MYOF: variants seen among roughly 807,000 people sequenced by gnomAD.
MYOF encodes the protein myoferlin.
A neutral mutation model predicts 284.2 loss-of-function variants in MYOF; 244 were observed. The ratio of observed to expected loss-of-function variants is 0.86; its 90% confidence interval spans 0.77 to 0.95. MYOF has a LOEUF of 0.95. Ranked by LOEUF, MYOF falls within the 40% of genes least tolerant of loss-of-function variation. MYOF has a pLI of 0.00. For synonymous variants in MYOF, 904 were observed against 919.7 expected (o/e 0.98, Z 0.31); for missense variants, 2,496 against 2,560.6 (o/e 0.97, Z 0.54).
chr10:93,481,751 A>G (rs1457746549), intron 1 of MYOF, among the ~76,000 whole-genome samples: 3 of 152,154 alleles, frequency 2.0e-5, no homozygotes, highest in South Asian at 2.1e-4. Context: ...TCCTTTACCC[A>G]TTTCTCACAG....
chr10:93,448,378 T>TC (rs2056496588), intron 3 of MYOF, among the ~76,000 whole-genome samples: 1 of 152,192 alleles, frequency 6.6e-6, no homozygotes, highest in Admixed American at 6.5e-5. Context: ...TCCCTTTTCC[T>TC]CTGATTTGCT....
intron 17 of MYOF, among the ~76,000 whole-genome samples, chr10:93,392,217 T>C (rs985159770): frequency 6.6e-6 from 1 of 152,188 alleles, no homozygotes; most frequent in South Asian, 2.1e-4. Flanking sequence ...TGCACACAGC[T>C]TCAGAGTTTG....
intron 4 of MYOF, among the ~76,000 whole-genome samples, chr10:93,426,888 T>C (rs1393754558): frequency 9.5e-6 from 1 of 104,788 alleles, no homozygotes; most frequent in Non-Finnish European, 2.3e-5. Flanking sequence ...GACTGTCTTT[T>C]TTTTTTTTTT....
chr10:93,356,652 C>A (rs367547259), intron 30 of MYOF, 23 bp downstream of exon 30: 2 of 1,603,936 alleles, frequency 1.2e-6, no homozygotes, highest in African/African-American at 1.3e-5. Flanking sequence ...ATATGATCTG[C>A]GCTCTGGCAA....
At chr10:93,460,179 G>A (rs1035600925) in intron 1 of MYOF, among the ~76,000 whole-genome samples, 10 of 152,190 alleles carry the variant, frequency 6.6e-5, no homozygotes, top group African/African-American at 2.2e-4. Flanking sequence ...AAGGGCTCCA[G>A]GGAGGTCACA....
intron 19 of MYOF, among the ~76,000 whole-genome samples, chr10:93,381,775 G>A (rs1348329523): frequency 6.6e-6 from 1 of 152,218 alleles, no homozygotes; most frequent in East Asian, 1.9e-4. Flanking sequence ...GGTGGCTCAT[G>A]CCTGTAATCC....
intron 45 of MYOF, among the ~76,000 whole-genome samples, chr10:93,326,940 TA>T (rs1843074340): frequency 6.6e-6 from 1 of 152,058 alleles, no homozygotes; most frequent in Non-Finnish European, 1.5e-5. Flanking sequence ...TGTGATATTC[TA>T]AAAACATAGG....
At chr10:93,393,546 G>A (rs73319678) in intron 16 of MYOF, among the ~76,000 whole-genome samples, 6,683 of 152,188 alleles carry the variant, frequency 0.044, 514 homozygotes, top group African/African-American at 0.15. Flanking sequence ...TCTTCTGGAT[G>A]TTACCACCAT....
chr10:93,375,048 A>T (rs903216376), intron 22 of MYOF, 93 bp from the exon 23 acceptor site: 23 of 1,267,514 alleles, frequency 1.8e-5, no homozygotes, highest in Non-Finnish European at 2.1e-5. Flanking sequence ...TTGGATTTCC[A>T]TCTTGCAAAC....
chr10:93,478,547 T>C (rs2057316295), intron 1 of MYOF, among the ~76,000 whole-genome samples: 1 of 151,940 alleles, frequency 6.6e-6, no homozygotes, highest in South Asian at 2.1e-4. Context: ...TCACTCACGG[T>C]TGAACACAAC....
intron 36 of MYOF, 97 bp downstream of exon 36, chr10:93,349,711 G>A (rs2133882017): frequency 7.1e-7 from 1 of 1,416,182 alleles, no homozygotes. Flanking sequence ...TATTTGTCAG[G>A]TTTTGGAAAT....
At chr10:93,409,062 G>T (rs1235822818) in intron 6 of MYOF, 147 bp from the exon 7 acceptor site, 4 of 1,228,956 alleles carry the variant, frequency 3.3e-6, no homozygotes, top group African/African-American at 3.0e-5. Flanking sequence ...GCTACCAATT[G>T]GGTGGAGCCA....
At chr10:93,337,530 G>A (rs1383032319) in intron 40 of MYOF, 3 of 345,724 alleles carry the variant, frequency 8.7e-6, no homozygotes, top group East Asian at 4.8e-5. Context: ...CTGGATCATC[G>A]TGGCCTAATT....
At chr10:93,401,986 G>A (rs1336555434) in intron 11 of MYOF, among the ~76,000 whole-genome samples, 1 of 152,152 alleles carries the variant, frequency 6.6e-6, no homozygotes, top group Non-Finnish European at 1.5e-5. Flanking sequence ...ATGAGGCAAG[G>A]ACGTTGTAAA....
intron 3 of MYOF, among the ~76,000 whole-genome samples, chr10:93,439,383 GTGCCTGCC>G (rs10609992): frequency 1.3e-5 from 2 of 152,130 alleles, no homozygotes; most frequent in African/African-American, 4.8e-5. Context: ...GACCAATTCT[GTGCCTGCC>G]TGCCTGCCTG....
Position 93,427,919 on chromosome 10 carries a change from A to G in MYOF, c.346-1761T>C, listed in dbSNP as rs1435523274. On this transcript the variant is annotated intron_variant, in intron 4 of 53. Transcript: ENST00000359263. ...AAATTTCAAACAATTTGCTAGGGGA[A>G]ATCGACATTGGGTTGCTAACTTGTA... is the stretch of plus-strand genomic sequence containing the variant. Among the ~76,000 whole-genome samples the G allele has an allele frequency of 2.6e-5, 4 of 152,120 alleles. No individual in the cohort carries two copies. The East Asian group carries it at 7.7e-4, about 29-fold the overall frequency.
Position 93,333,235 on chromosome 10 carries a change from G to A in MYOF, c.4797C>T (p.Asn1599=). 1.9e-6 allele frequency: 3 copies of A among 1,614,004 alleles called. No individual in the cohort carries two copies. The highest frequency in any genetic ancestry group is 1.6e-4 in the Middle Eastern group (1 of 6,062). ...ATGTATATTACCTGCCAAAGACTGGGTTGAGAGTGTTGGGAATGTAGTGAT... is the reference window on the plus strand; with the variant it reads ...ATGTATATTACCTGCCAAAGACTGGATTGAGAGTGTTGGGAATGTAGTGAT... ...DRDHYIPNTL[N]PVFGRMYELS... The change falls in exon 43 of 54, where the codon AAC becomes AAT. Residue 1599 remains asparagine, a synonymous_variant. Coordinates refer to ENST00000359263, the MANE Select transcript of MYOF (RefSeq NM_013451.4).
At chr10:93,402,769 C>G (rs1589512058) in intron 10 of MYOF, 91 bp downstream of exon 10, 1 of 121,480 alleles carries the variant, frequency 8.2e-6, no homozygotes, top group East Asian at 5.5e-5. Context: ...ATTCTTTGAT[C>G]CCCCCCAAAT....
In MYOF at chr10:93,359,955, G is replaced by A; in HGVS notation, c.2998C>T (p.Pro1000Ser). 6.2e-7 allele frequency: 1 copy of A among 1,614,188 alleles called. No homozygotes were observed. Among genetic ancestry groups the A allele is most frequent in the Non-Finnish European group, 8.5e-7 (1 of 1,180,032 alleles). ...EKGWEYGITIPPDHKPKSWVA... is the reference protein window; with the variant it reads ...EKGWEYGITISPDHKPKSWVA... ...CAGGATTTGGGCTTATGATCAGGAG[G>A]AATGGTGATTCCATATTCCCAGCCT... The change falls in exon 29 of 54, where the codon CCT becomes TCT. Residue 1000 changes from proline (P) to serine (S), a missense_variant. By Grantham distance (74) the Pro-to-Ser change is moderately conservative (BLOSUM62 -1). Coordinates refer to ENST00000359263, the MANE Select transcript of MYOF (RefSeq NM_013451.4).
Sources: gnomAD v4.1 joint callset for allele counts (sites outside exome capture counted in the v4.1 genomes callset) on GRCh38, gnomAD v4.1.1 for gene constraint, MANE v1.5 for transcripts, NCBI Gene and HGNC (gene_info 2026-07-23, HGNC 2026-07-21) for gene names.